The following LRFN5 variants were observed in gnomAD, a reference collection of about 807,000 sequenced individuals.
LRFN5 encodes the protein leucine-rich repeat and fibronectin type-III domain-containing protein 5.
LRFN5 carries 24 observed loss-of-function variants against 45.6 expected under a neutral mutation model. That is an observed-to-expected ratio of 0.53 (90% confidence interval 0.38 to 0.74). The LOEUF (loss-of-function observed/expected upper bound fraction) is 0.74. LRFN5 is among the 30% of genes least tolerant of loss of function. The pLI, the probability that LRFN5 is intolerant of heterozygous loss-of-function variation, is 0.00. For missense variants in LRFN5, 776 were observed against 861.5 expected (o/e 0.90, Z 1.24); for synonymous variants, 340 against 313.8 (o/e 1.08, Z -0.88).
chr14:41,608,248 TGTGA>T lies in LRFN5; in HGVS notation c.-507_-504del, dbSNP rs1887580216. On this transcript the variant is annotated 5_prime_UTR_variant, in exon 1 of 6. Coordinates refer to ENST00000298119, the MANE Select transcript of LRFN5 (RefSeq NM_152447.5). ...GCGCGCGCGCCCGGGTGCGAGTGTGTGTGAGTGTGAGCGTGTGTCTGTGTGTGCG... is the reference window on the plus strand; with the variant it reads ...GCGCGCGCGCCCGGGTGCGAGTGTGTGTGTGAGCGTGTGTCTGTGTGTGCG... The T allele has an allele frequency of 6.5e-6, 1 of 153,266 alleles. No homozygotes were observed. Among genetic ancestry groups the T allele is most frequent in the Non-Finnish European group, 1.5e-5 (1 of 68,776 alleles). The allele number at this position is 153,266 out of a possible 1,614,324, so 9.5% of individuals were successfully genotyped here.
At chr14:41,652,950 T>C (rs1742643739) in intron 1 of LRFN5, among the ~76,000 whole-genome samples, 1 of 152,190 alleles carries the variant, frequency 6.6e-6, no homozygotes, top group African/African-American at 2.4e-5. Flanking sequence ...TGTTGTCACA[T>C]GTATGTCTTC....
intron 2 of LRFN5, among the ~76,000 whole-genome samples, chr14:41,809,802 A>T (rs549016669): frequency 6.6e-6 from 1 of 152,112 alleles, no homozygotes; most frequent in South Asian, 2.1e-4. Context: ...CACATTTATG[A>T]TTTATTTAGT....
chr14:41,860,697 C>A (rs932393911), intron 2 of LRFN5, among the ~76,000 whole-genome samples: 12 of 152,166 alleles, frequency 7.9e-5, no homozygotes, highest in African/African-American at 2.9e-4. Flanking sequence ...TGATTTGCCT[C>A]CCTTGGCTTA....
chr14:41,710,471 G>A (rs896488772), intron 1 of LRFN5, among the ~76,000 whole-genome samples: 1 of 147,746 alleles, frequency 6.8e-6, no homozygotes, highest in Non-Finnish European at 1.5e-5. Flanking sequence ...GTTAATGTAG[G>A]TGTGTTTTTT....
intron 1 of LRFN5, among the ~76,000 whole-genome samples, chr14:41,696,041 T>C (rs1882595856): frequency 6.6e-6 from 1 of 151,946 alleles, no homozygotes; most frequent in African/African-American, 2.4e-5. Context: ...AATATAACTT[T>C]GACAGACATT....
intron 1 of LRFN5, among the ~76,000 whole-genome samples, chr14:41,725,598 A>G (rs1367362707): frequency 6.6e-6 from 1 of 152,144 alleles, no homozygotes; most frequent in East Asian, 1.9e-4. Flanking sequence ...TAATGTATAC[A>G]TCTTGTACCC....
chr14:41,782,871 G>GT (rs1269051436), intron 2 of LRFN5, among the ~76,000 whole-genome samples: 8 of 151,974 alleles, frequency 5.3e-5, no homozygotes, highest in Admixed American at 5.2e-4. Context: ...TGGTAGTAAT[G>GT]TGGGATAGGG....
chr14:41,675,472 G>A (rs1324429739), intron 1 of LRFN5, among the ~76,000 whole-genome samples: 1 of 152,168 alleles, frequency 6.6e-6, no homozygotes, highest in South Asian at 2.1e-4. Context: ...GCGTGGCGGC[G>A]CGCGCCTGCA....
intron 2 of LRFN5, among the ~76,000 whole-genome samples, chr14:41,859,112 AC>A (rs1889574390): frequency 6.6e-6 from 1 of 152,158 alleles, no homozygotes; most frequent in South Asian, 2.1e-4. Context: ...AATTATTCTC[AC>A]CAGGGCCAAC....
chr14:41,890,655 C>T (rs1000176535), intron 3 of LRFN5, among the ~76,000 whole-genome samples: 1 of 149,560 alleles, frequency 6.7e-6, no homozygotes, highest in Non-Finnish European at 1.5e-5. Context: ...TTCATTGAGC[C>T]GAGATTGCGC....
At chr14:41,839,035 A>G (rs1478465113) in intron 2 of LRFN5, among the ~76,000 whole-genome samples, 2 of 152,122 alleles carry the variant, frequency 1.3e-5, no homozygotes, top group Admixed American at 1.3e-4. Context: ...GCTTCAGGTT[A>G]CAATATTAAA....
chr14:41,714,632 G>A (rs1168619674), intron 1 of LRFN5, among the ~76,000 whole-genome samples: 4 of 152,148 alleles, frequency 2.6e-5, no homozygotes, highest in East Asian at 1.9e-4. Flanking sequence ...TCAGCTGGAT[G>A]TGGTGGCTCA....
chr14:41,775,402 G>A (rs1886253335), intron 2 of LRFN5, among the ~76,000 whole-genome samples: 1 of 151,984 alleles, frequency 6.6e-6, no homozygotes, highest in Admixed American at 6.6e-5. Flanking sequence ...TACTTTTTAA[G>A]CAACTATTTT....
chr14:41,837,989 T>C (rs1160292881), intron 2 of LRFN5, among the ~76,000 whole-genome samples: 1 of 152,190 alleles, frequency 6.6e-6, no homozygotes, highest in Non-Finnish European at 1.5e-5. Flanking sequence ...ATATTTAGTA[T>C]CTGGAAAAAT....
At chr14:41,723,965 T>C (rs1260892671) in intron 1 of LRFN5, among the ~76,000 whole-genome samples, 1 of 152,162 alleles carries the variant, frequency 6.6e-6, no homozygotes, top group East Asian at 1.9e-4. Context: ...TCTTTCCCTC[T>C]CACTGTCTGT....
intron 1 of LRFN5, among the ~76,000 whole-genome samples, chr14:41,742,266 G>A (rs1478958572): frequency 4.0e-5 from 6 of 149,848 alleles, no homozygotes; most frequent in African/African-American, 1.2e-4. Context: ...AGCAATAGAA[G>A]CAACCTGGTT....
intron 2 of LRFN5, among the ~76,000 whole-genome samples, chr14:41,793,674 A>G (rs1887015663): frequency 6.6e-6 from 1 of 151,514 alleles, no homozygotes; most frequent in South Asian, 2.1e-4. Context: ...AAGCATCACT[A>G]TTATATACAG....
intron 1 of LRFN5, among the ~76,000 whole-genome samples, chr14:41,638,573 A>G (rs1294364701): frequency 6.6e-6 from 1 of 152,166 alleles, no homozygotes; most frequent in Non-Finnish European, 1.5e-5. Flanking sequence ...TAACTGATTT[A>G]CCAGGTTTCT....
At chr14:41,805,675 G>C (rs184433976) in intron 2 of LRFN5, among the ~76,000 whole-genome samples, 1 of 151,832 alleles carries the variant, frequency 6.6e-6, no homozygotes. Flanking sequence ...CCTTTGTAGG[G>C]ACATGGATGA....
Sources: allele counts gnomAD v4.1 joint callset (sites outside exome capture counted in the v4.1 genomes callset), GRCh38; gene constraint gnomAD v4.1.1; transcripts MANE v1.5; gene names NCBI Gene and HGNC (gene_info 2026-07-23, HGNC 2026-07-21).